TRIM9: variants seen among roughly 807,000 people sequenced by gnomAD.
TRIM9 encodes tripartite motif containing 9.
Under a neutral mutation model 78.3 loss-of-function variants are expected in TRIM9, and 26 were observed. The observed-to-expected ratio is 0.33, with a 90% CI of 0.24 to 0.46. TRIM9 has a LOEUF of 0.46. Among genes scored for constraint, TRIM9 ranks in the 20% least tolerant of loss-of-function variants. TRIM9 has a pLI of 1.00. For synonymous variants in TRIM9, 398 were observed against 416.5 expected (o/e 0.96, Z 0.54); for missense variants, 787 against 1,036.4 (o/e 0.76, Z 3.30).
rs1477915943 is a variant in TRIM9 at position 51,087,617 on chromosome 14, T to A, written c.822+6501A>T. Among the ~76,000 whole-genome samples, 5 of 152,226 alleles carry A rather than the reference T, an allele frequency of 3.3e-5. No individual in the cohort carries two copies. The East Asian group carries it at 9.7e-4, about 29-fold the overall frequency. Reference sequence around the variant, plus strand: ...GGTCTCTGATAGTGTAGGTACACTGTGGTGGCCATTTTATAGATAACTCTT... The same window carrying A: ...GGTCTCTGATAGTGTAGGTACACTGAGGTGGCCATTTTATAGATAACTCTT... On this transcript the variant is annotated intron_variant, in intron 1 of 12. Transcript: ENST00000684578.
At chr14:50,986,235 C>CTTTTTTAATG in intron 7 of TRIM9, 91 bp from the exon 8 acceptor site, 2 of 1,096,424 alleles carry the variant, frequency 1.8e-6, no homozygotes, top group Admixed American at 3.7e-5. Flanking sequence ...ACAATGCATT[C>CTTTTTTAATG]ATACAAAGCC....
rs1358833099 is a variant in TRIM9 at position 50,975,840 on chromosome 14, C to A, written c.*1451G>T. 6.6e-6 allele frequency: 1 copy of A among 152,558 alleles called. No individual in the cohort carries two copies. Among genetic ancestry groups the A allele is most frequent in the African/African-American group, 2.4e-5 (1 of 41,436 alleles). 9.5% of individuals were successfully genotyped at this position (152,558 alleles called of 1,614,324 possible). On this transcript the variant is annotated 3_prime_UTR_variant, in exon 13 of 13. Coordinates refer to ENST00000684578, the MANE Select transcript of TRIM9 (RefSeq NM_001387360.1). ...CAAACTAATGAATTTCAAGGGTAAC[C>A]TATGTAAGTCTATCTCTATATAGAA... is the stretch of plus-strand genomic sequence containing the variant.
chr14:51,009,170 T>C lies in TRIM9; in HGVS notation c.1216A>G (p.Thr406Ala). 7 of 1,614,080 alleles carry C rather than the reference T, an allele frequency of 4.3e-6. No homozygotes were observed. Among genetic ancestry groups the C allele is most frequent in the Non-Finnish European group, 5.9e-6 (7 of 1,179,954 alleles). The change falls in exon 5 of 13, where the codon ACT (threonine) becomes GCT (alanine). Residue 406 changes from threonine (T) to alanine (A), a missense_variant. Transcript: ENST00000684578. ...TCAAAGTCCGTGGTCATCCTTGGAG[T>C]GAGTGTGCCTTTACCCCACTGATCC... ...TEDQWGKGTL[T>A]PRMTTDFDLS...
intron 1 of TRIM9, among the ~76,000 whole-genome samples, chr14:51,055,440 A>C (rs2060820422): frequency 6.6e-6 from 1 of 152,244 alleles, no homozygotes; most frequent in Admixed American, 6.5e-5. Flanking sequence ...TTAAGGTTGC[A>C]AGTGGAATTA....
chr14:51,010,129 C>CA (rs1183613312), intron 4 of TRIM9, among the ~76,000 whole-genome samples: 1 of 45,162 alleles, frequency 2.2e-5, no homozygotes, highest in Non-Finnish European at 4.6e-5. Context: ...GAAAAAGAAG[C>CA]GAAAAAAAAA....
chr14:50,991,646 T>A (rs986407767), intron 7 of TRIM9, among the ~76,000 whole-genome samples: 1 of 152,256 alleles, frequency 6.6e-6, no homozygotes, highest in African/African-American at 2.4e-5. Context: ...AGACTCATTA[T>A]GACCCTTGGA....
chr14:51,048,862 T>C (rs189565243), intron 1 of TRIM9, among the ~76,000 whole-genome samples: 155 of 151,878 alleles, frequency 1.0e-3, no homozygotes, highest in African/African-American at 3.4e-3. Flanking sequence ...TGGACGTCTG[T>C]AGTCCCAGCT....
chr14:50,997,501 G>T (rs570626049), intron 7 of TRIM9: 2 of 985,768 alleles, frequency 2.0e-6, no homozygotes, highest in East Asian at 2.3e-4. Flanking sequence ...GGTATGAAAC[G>T]GAGGCAGTCT....
intron 3 of TRIM9, among the ~76,000 whole-genome samples, chr14:51,016,672 C>A (rs143062085): frequency 6.6e-6 from 1 of 152,016 alleles, no homozygotes; most frequent in African/African-American, 2.4e-5. Context: ...TTGGTATCTG[C>A]AGGGAATCGT....
Position 50,976,696 on chromosome 14 carries a change from G to A in TRIM9, c.*595C>T, listed in dbSNP as rs1214303897. On this transcript the variant is annotated 3_prime_UTR_variant, in exon 13 of 13. Coordinates refer to ENST00000684578, the MANE Select transcript of TRIM9 (RefSeq NM_001387360.1). ...CTACCCTGATGTGAACCTGTGTAGC[G>A]GATATTTTTGTGCTTCAATGAGTAG... is the stretch of plus-strand genomic sequence containing the variant. The A allele has an allele frequency of 2.0e-5, 3 of 152,606 alleles. No homozygotes were observed. The highest frequency in any genetic ancestry group is 4.4e-5 in the Non-Finnish European group (3 of 68,042). 9.5% of individuals were successfully genotyped at this position (152,606 alleles called of 1,614,324 possible).
intron 1 of TRIM9, among the ~76,000 whole-genome samples, chr14:51,031,104 C>T (rs1457950006): frequency 5.6e-5 from 8 of 143,734 alleles, no homozygotes; most frequent in Non-Finnish European, 9.0e-5. Context: ...GCTGTGATTG[C>T]GCCATTGCAC....
At chr14:51,059,129 G>A (rs879736399) in intron 1 of TRIM9, among the ~76,000 whole-genome samples, 1 of 152,146 alleles carries the variant, frequency 6.6e-6, no homozygotes, top group South Asian at 2.1e-4. Context: ...CTCCACAATG[G>A]TCCTGGGAAA....
rs371691143 is a variant in TRIM9 at position 51,093,106 on chromosome 14, A to C, written c.822+1012T>G. Among the ~76,000 whole-genome samples, 9 of 152,186 alleles carry C rather than the reference A, an allele frequency of 5.9e-5. No individual in the cohort carries two copies. The East Asian group carries it at 1.5e-3, about 26-fold the overall frequency. On this transcript the variant is annotated intron_variant, in intron 1 of 12. Coordinates refer to ENST00000684578, the MANE Select transcript of TRIM9 (RefSeq NM_001387360.1). ...GAGTAAGTGGGAGGCAATGAGGTCG[A>C]AGGGGCCAAAATGGAAGAGGTCATG...
chr14:51,025,259 C>A lies in TRIM9; in HGVS notation c.918+6G>T, dbSNP rs1205254729. ...GGTTTCCTTGCGTCCCAGGTAACAC[C>A]CATACCTGGATCTGCTGGACCATGT... On this transcript the variant is annotated splice_donor_region_variant and intron_variant, in intron 2 of 12. Coordinates refer to ENST00000684578, the MANE Select transcript of TRIM9 (RefSeq NM_001387360.1). 24 of 1,613,202 alleles carry A rather than the reference C, an allele frequency of 1.5e-5. No individual in the cohort carries two copies. Among genetic ancestry groups the A allele is most frequent in the Non-Finnish European group, 2.0e-5 (23 of 1,179,282 alleles).
chr14:51,058,828 T>C (rs1227810974), intron 1 of TRIM9, among the ~76,000 whole-genome samples: 2 of 152,252 alleles, frequency 1.3e-5, no homozygotes, highest in African/African-American at 2.4e-5. Flanking sequence ...GGATTTGTTA[T>C]AAGCTTTTGG....
At chr14:51,002,722 A>C (rs2055238511) in intron 5 of TRIM9, among the ~76,000 whole-genome samples, 1 of 152,216 alleles carries the variant, frequency 6.6e-6, no homozygotes, top group African/African-American at 2.4e-5. Flanking sequence ...GATAACCTAG[A>C]AAACAAAAGC....
intron 5 of TRIM9, among the ~76,000 whole-genome samples, chr14:51,002,105 T>TTGTG (rs10569486): frequency 5.4e-5 from 8 of 146,870 alleles, no homozygotes; most frequent in Admixed American, 4.9e-4. Context: ...AACCATGGTT[T>TTGTG]TGTGTGTGTG....
intron 1 of TRIM9, among the ~76,000 whole-genome samples, chr14:51,062,148 G>A (rs1047310811): frequency 6.6e-6 from 1 of 152,002 alleles, no homozygotes; most frequent in Non-Finnish European, 1.5e-5. Context: ...TATTTACATT[G>A]GTTCTTTTTA....
intron 4 of TRIM9, 103 bp from the exon 5 acceptor site, chr14:51,009,336 A>T: frequency 7.0e-7 from 1 of 1,436,284 alleles, no homozygotes; most frequent in Non-Finnish European, 9.5e-7. Flanking sequence ...AACTGCCTTG[A>T]GGACTCATAC....
Sources: allele counts gnomAD v4.1 joint callset (sites outside exome capture counted in the v4.1 genomes callset), GRCh38; gene constraint gnomAD v4.1.1; transcripts MANE v1.5; gene names NCBI Gene and HGNC (gene_info 2026-07-23, HGNC 2026-07-21).